KCNIP4: variants seen among roughly 807,000 people sequenced by gnomAD.
The protein encoded by KCNIP4 is Kv channel-interacting protein 4.
A neutral mutation model predicts 34.0 loss-of-function variants in KCNIP4; 12 were observed. That is an observed-to-expected ratio of 0.35 (90% confidence interval 0.23 to 0.57). KCNIP4 has a LOEUF of 0.57. Ranked by LOEUF, KCNIP4 falls within the 20% of genes least tolerant of loss-of-function variation. The pLI is 0.83. For missense variants in KCNIP4, 238 were observed against 311.7 expected, an observed-to-expected ratio of 0.76 and a Z score of 1.78; for synonymous variants, 124 against 102.2, an observed-to-expected ratio of 1.21 and a Z score of -1.29.
intron 1 of KCNIP4, among the ~76,000 whole-genome samples, chr4:21,305,984 G>A (rs1016078644): frequency 2.0e-5 from 3 of 152,168 alleles, no homozygotes; most frequent in South Asian, 4.1e-4. Context: ...ATCATGCCTT[G>A]CTAATCTAGA....
At chr4:21,901,966 C>T (rs1040555672) in intron 1 of KCNIP4, among the ~76,000 whole-genome samples, 43 of 152,264 alleles carry the variant, frequency 2.8e-4, no homozygotes, top group African/African-American at 9.9e-4. Context: ...ACAATAGATA[C>T]TTTATAAATT....
intron 1 of KCNIP4, among the ~76,000 whole-genome samples, chr4:20,905,505 C>CTTTTTTT (rs1182454951): frequency 0.018 from 649 of 36,744 alleles, 22 homozygotes; most frequent in African/African-American, 0.046. Flanking sequence ...TGAACGTTTT[C>CTTTTTTT]TTTCTTTTTT....
chr4:20,990,412 A>G (rs549673473), intron 1 of KCNIP4, among the ~76,000 whole-genome samples: 3 of 152,194 alleles, frequency 2.0e-5, no homozygotes, highest in African/African-American at 7.2e-5. Context: ...GATGTCCATT[A>G]AACTATTAAG....
At chr4:21,465,843 T>C (rs562955086) in intron 1 of KCNIP4, among the ~76,000 whole-genome samples, 27 of 152,190 alleles carry the variant, frequency 1.8e-4, no homozygotes, top group Non-Finnish European at 3.4e-4. Flanking sequence ...ATGTGAGTTC[T>C]CAGCTAGGAG....
chr4:21,519,783 GTATGTGTGTGTATACACGTGTGTGTA>G (rs1735344146), intron 1 of KCNIP4, among the ~76,000 whole-genome samples: 1 of 135,398 alleles, frequency 7.4e-6, no homozygotes, highest in African/African-American at 2.9e-5. Flanking sequence ...ACACGTGTGT[GTATGTGTGTGTATACACGTGTGTGTA>G]TGTGTGTGTA....
intron 3 of KCNIP4, among the ~76,000 whole-genome samples, chr4:20,823,605 C>T (rs1423754496): frequency 6.6e-6 from 1 of 152,120 alleles, no homozygotes; most frequent in South Asian, 2.1e-4. Context: ...CATGAGGCTA[C>T]AAGGAGAAGC....
intron 1 of KCNIP4, chr4:21,853,116 G>C (rs1403458491): frequency 2.6e-5 from 4 of 152,180 alleles, no homozygotes; most frequent in East Asian, 1.9e-4. Context: ...AGCCAGTTCA[G>C]TCCAAGTCAC....
At chr4:21,734,216 T>G (rs942945358) in intron 1 of KCNIP4, among the ~76,000 whole-genome samples, 2 of 152,192 alleles carry the variant, frequency 1.3e-5, no homozygotes, top group African/African-American at 4.8e-5. Context: ...CAATACCAAG[T>G]GTCTGCAATC....
intron 1 of KCNIP4, among the ~76,000 whole-genome samples, chr4:21,816,529 A>T (rs141583758): frequency 5.3e-5 from 8 of 152,238 alleles, no homozygotes; most frequent in Non-Finnish European, 1.2e-4. Flanking sequence ...AGACATCCTT[A>T]CAGTCAGTTG....
intron 1 of KCNIP4, among the ~76,000 whole-genome samples, chr4:21,761,951 T>A: frequency 6.6e-6 from 1 of 152,154 alleles, no homozygotes; most frequent in East Asian, 1.9e-4. Context: ...TTGAGAAAAA[T>A]ATTTAATGAA....
intron 1 of KCNIP4, among the ~76,000 whole-genome samples, chr4:21,051,905 G>C (rs1226197754): frequency 6.6e-6 from 1 of 152,164 alleles, no homozygotes; most frequent in Non-Finnish European, 1.5e-5. Context: ...TATGAAATAA[G>C]TTTGGGCTGC....
chr4:21,834,821 A>C (rs1281528675), intron 1 of KCNIP4, among the ~76,000 whole-genome samples: 4 of 152,074 alleles, frequency 2.6e-5, no homozygotes, highest in African/African-American at 9.7e-5. Flanking sequence ...GAATTTTGTC[A>C]AAGGCCTTTT....
In KCNIP4 at chr4:21,569,964, G is replaced by C. The variant is rs1003632558; in HGVS notation, c.61+378607C>G. The stretch of plus-strand genomic sequence containing the variant: ...TCTGCTGTGTGTTGGGAGAATGGGG[G>C]TGGGCTATGTGGTACTCCCCCCACT... On this transcript the variant is annotated intron_variant, in intron 1 of 8. Transcript: ENST00000382152. 5.9e-5 allele frequency among the ~76,000 whole-genome samples: 9 copies of C among 151,992 alleles called. No individual in the cohort carries two copies. The East Asian group carries it at 1.7e-3, about 29-fold the overall frequency.
intron 1 of KCNIP4, among the ~76,000 whole-genome samples, chr4:21,009,378 T>C (rs1431119505): frequency 3.9e-5 from 6 of 152,362 alleles, no homozygotes; most frequent in African/African-American, 1.4e-4. Flanking sequence ...ATGAACGAAA[T>C]AATTATGAAA....
intron 1 of KCNIP4, among the ~76,000 whole-genome samples, chr4:21,382,616 T>C (rs1292508540): frequency 6.6e-6 from 1 of 151,912 alleles, no homozygotes; most frequent in Non-Finnish European, 1.5e-5. Flanking sequence ...CACCAATAGA[T>C]GATCCCAAGA....
rs190160462 is a variant in KCNIP4, at chr4:21,943,099, C to T, written c.61+5472G>A. ...TTGTGAAGCATTGTAGAAGTGCTTA[C>T]TAGAGGTACAAAAATTAGTAATTCT... On this transcript the variant is annotated intron_variant, in intron 1 of 8. Coordinates refer to ENST00000382152, the MANE Select transcript of KCNIP4 (RefSeq NM_025221.6). 1.3e-4 allele frequency among the ~76,000 whole-genome samples: 20 copies of T among 152,278 alleles called. No homozygotes were observed. In the East Asian group the frequency reaches 3.7e-3, roughly 28 times the overall value.
chr4:21,599,998 G>C (rs532376280), intron 1 of KCNIP4, among the ~76,000 whole-genome samples: 2 of 152,114 alleles, frequency 1.3e-5, no homozygotes, highest in East Asian at 3.9e-4. Context: ...AAAATCCTCA[G>C]CGATTCTGCT....
At chr4:21,287,394 C>G (rs907635736) in intron 1 of KCNIP4, among the ~76,000 whole-genome samples, 3 of 152,012 alleles carry the variant, frequency 2.0e-5, no homozygotes, top group Admixed American at 2.0e-4. Context: ...TATGCAAAAG[C>G]AAAAGAGGAA....
At chr4:21,675,819 A>G (rs1749848508) in intron 1 of KCNIP4, among the ~76,000 whole-genome samples, 1 of 152,186 alleles carries the variant, frequency 6.6e-6, no homozygotes, top group Non-Finnish European at 1.5e-5. Flanking sequence ...GACTGCTTCC[A>G]TATTACATGA....
Sources: gnomAD v4.1 joint callset for allele counts (sites outside exome capture counted in the v4.1 genomes callset) on GRCh38, gnomAD v4.1.1 for gene constraint, MANE v1.5 for transcripts, NCBI Gene and HGNC (gene_info 2026-07-23, HGNC 2026-07-21) for gene names.